SLCO3A1: variants seen among roughly 807,000 people sequenced by gnomAD.
SLCO3A1 encodes the protein solute carrier organic anion transporter family member 3A1.
SLCO3A1 carries 27 observed loss-of-function variants against 63.1 expected under a neutral mutation model. The observed-to-expected ratio is 0.43, with a 90% CI of 0.32 to 0.59. SLCO3A1 has a LOEUF of 0.59. Among genes scored for constraint, SLCO3A1 ranks in the 20% least tolerant of loss-of-function variants. The pLI, the probability that SLCO3A1 is intolerant of heterozygous loss-of-function variation, is 0.09. For missense variants in SLCO3A1, 773 were observed against 945.8 expected (o/e 0.82, Z 2.40); for synonymous variants, 473 against 409.9 (o/e 1.15, Z -1.86).
At chr15:92,062,188 A>G (rs1420704823) in intron 2 of SLCO3A1, among the ~76,000 whole-genome samples, 2 of 152,142 alleles carry the variant, frequency 1.3e-5, no homozygotes, top group South Asian at 2.1e-4. Flanking sequence ...ACACACACAC[A>G]CTATTCTGAT....
intron 2 of SLCO3A1, among the ~76,000 whole-genome samples, chr15:92,027,430 T>C (rs559066574): frequency 6.6e-6 from 1 of 152,350 alleles, no homozygotes; most frequent in Non-Finnish European, 1.5e-5. Flanking sequence ...CATCGTTTTT[T>C]TCGATATTGT....
In SLCO3A1 at chr15:91,994,204, C is replaced by T. The variant is rs141898353; in HGVS notation, c.646+77746C>T. Among the ~76,000 whole-genome samples the T allele has an allele frequency of 2.1e-4, 32 of 152,210 alleles. No individual in the cohort carries two copies. The East Asian group carries it at 6.0e-3, about 28-fold the overall frequency. ...TGTGTGCCAGGCTTTGTTTTAAGGCCTTTGCAAATAATAACCCATGAATCC... is the reference window on the plus strand; with the variant it reads ...TGTGTGCCAGGCTTTGTTTTAAGGCTTTTGCAAATAATAACCCATGAATCC... On this transcript the variant is annotated intron_variant, in intron 2 of 9. Transcript: ENST00000318445.
chr15:91,985,010 A>G (rs12101519), intron 2 of SLCO3A1, among the ~76,000 whole-genome samples: 42,239 of 152,002 alleles, frequency 0.28, 6,211 homozygotes, highest in East Asian at 0.47. Context: ...ATCTCAGATC[A>G]TAAGTGAACA....
chr15:92,025,526 T>A (rs1040266612), intron 2 of SLCO3A1, among the ~76,000 whole-genome samples: 1 of 152,212 alleles, frequency 6.6e-6, no homozygotes, highest in African/African-American at 2.4e-5. Flanking sequence ...GGCATCCACT[T>A]GTTGTTTTGG....
chr15:92,025,642 G>A (rs962551438), intron 2 of SLCO3A1, among the ~76,000 whole-genome samples: 4 of 152,198 alleles, frequency 2.6e-5, no homozygotes, highest in African/African-American at 9.7e-5. Context: ...ACTGAGGCTG[G>A]ACATGAGGCT....
chr15:92,046,192 C>G (rs1294225604), intron 2 of SLCO3A1, among the ~76,000 whole-genome samples: 1 of 151,998 alleles, frequency 6.6e-6, no homozygotes, highest in Non-Finnish European at 1.5e-5. Context: ...ATTGGACAGC[C>G]TACAGTGGAC....
At chr15:91,904,066 C>T (rs1898230253) in intron 1 of SLCO3A1, among the ~76,000 whole-genome samples, 1 of 132,078 alleles carries the variant, frequency 7.6e-6, no homozygotes, top group Admixed American at 7.7e-5. Flanking sequence ...GGAGGGAGGG[C>T]CACGCTTTTC....
rs778379434 is a variant in SLCO3A1, at chr15:92,128,238, A to G, written c.1374-113A>G. 5.9e-4 allele frequency: 751 copies of G among 1,273,066 alleles called. 2 individuals are homozygous for G. Among genetic ancestry groups the G allele is most frequent in the Non-Finnish European group, 7.6e-4 (679 of 896,710 alleles). 78.9% of individuals were successfully genotyped at this position (1,273,066 alleles called of 1,614,324 possible). ...GAAGGGAGAACCAGGTAACAATCCC[A>G]TAAGCAGGGTACCACGCGACTCATC... On this transcript the variant is annotated intron_variant, in intron 6 of 9. Coordinates refer to ENST00000318445, the MANE Select transcript of SLCO3A1 (RefSeq NM_013272.4).
intron 1 of SLCO3A1, among the ~76,000 whole-genome samples, chr15:91,871,596 A>G (rs1050821728): frequency 1.1e-4 from 17 of 152,116 alleles, no homozygotes; most frequent in African/African-American, 2.9e-4. Context: ...AGATGTGGTG[A>G]TATTGATGAA....
chr15:92,047,605 ATATATAATATATAAATAT>A, intron 2 of SLCO3A1, among the ~76,000 whole-genome samples: 1 of 58,086 alleles, frequency 1.7e-5, no homozygotes, highest in South Asian at 4.8e-4. Context: ...TATATAATAT[ATATATAATATATAAATAT>A]ATATATAAAT....
chr15:91,972,243 T>A (rs1218968806), intron 2 of SLCO3A1, among the ~76,000 whole-genome samples: 1 of 151,918 alleles, frequency 6.6e-6, no homozygotes, highest in African/African-American at 2.4e-5. Flanking sequence ...CTGCGCTGGG[T>A]TGGGAGGTGG....
At chr15:91,972,206 T>C (rs1900902668) in intron 2 of SLCO3A1, among the ~76,000 whole-genome samples, 1 of 152,094 alleles carries the variant, frequency 6.6e-6, no homozygotes, top group South Asian at 2.1e-4. Context: ...AAGTCTCCAT[T>C]AAGAGATTAT....
chr15:91,866,448 A>G (rs571355401), intron 1 of SLCO3A1, among the ~76,000 whole-genome samples: 1 of 152,054 alleles, frequency 6.6e-6, no homozygotes, highest in East Asian at 1.9e-4. Flanking sequence ...CCAGTCTCAG[A>G]TTTGGCCAGG....
chr15:91,869,488 A>G (rs1413109781), intron 1 of SLCO3A1, among the ~76,000 whole-genome samples: 2 of 151,244 alleles, frequency 1.3e-5, no homozygotes, highest in African/African-American at 4.9e-5. Context: ...ATGAGCCAAG[A>G]TGGCGCCACT....
intron 2 of SLCO3A1, among the ~76,000 whole-genome samples, chr15:91,977,844 T>A (rs1330579621): frequency 1.3e-5 from 2 of 152,212 alleles, no homozygotes; most frequent in Non-Finnish European, 2.9e-5. Context: ...AGAAATACTT[T>A]TTAATGGTTG....
chr15:91,918,231 G>C (rs1296827082), intron 2 of SLCO3A1, among the ~76,000 whole-genome samples: 1 of 152,214 alleles, frequency 6.6e-6, no homozygotes, highest in Non-Finnish European at 1.5e-5. Flanking sequence ...GTGGACAGTA[G>C]GGCTGATCAT....
intron 1 of SLCO3A1, among the ~76,000 whole-genome samples, chr15:91,876,240 T>G (rs1897395299): frequency 6.6e-6 from 1 of 152,224 alleles, no homozygotes; most frequent in South Asian, 2.1e-4. Context: ...GTTGGGAAAG[T>G]TCATTTAGTC....
rs1255053476 is a variant in SLCO3A1 at position 92,164,144 on chromosome 15, C to T, written c.*1009C>T. 1.0e-6 allele frequency: 1 copy of T among 984,192 alleles called. No homozygotes were observed. The highest frequency in any genetic ancestry group is 1.2e-6 in the Non-Finnish European group (1 of 828,866). 61.0% of individuals were successfully genotyped at this position (984,192 alleles called of 1,614,324 possible). A position where few individuals can be genotyped will look rare whatever the true frequency, so the allele number is the denominator to read the frequency against. ...GTGTTAACCCTTCAAGTCACTAACA[C>T]AGTTCTCTAGGCCGGATTTATTATG... On this transcript the variant is annotated 3_prime_UTR_variant, in exon 10 of 10. Coordinates refer to ENST00000318445, the MANE Select transcript of SLCO3A1 (RefSeq NM_013272.4).
chr15:92,078,590 C>T (rs997650875), intron 2 of SLCO3A1, among the ~76,000 whole-genome samples: 2 of 152,162 alleles, frequency 1.3e-5, no homozygotes, highest in East Asian at 1.9e-4. Flanking sequence ...TCTGCCTTTG[C>T]CCAGGCTGTT....
Sources: allele counts gnomAD v4.1 joint callset (sites outside exome capture counted in the v4.1 genomes callset), GRCh38; gene constraint gnomAD v4.1.1; transcripts MANE v1.5; gene names NCBI Gene and HGNC (gene_info 2026-07-23, HGNC 2026-07-21).